Variants in SCNN1B observed in about 807,000 individuals in gnomAD.
SCNN1B encodes the protein sodium channel epithelial 1 subunit beta, also known as epithelial sodium channel subunit beta.
A neutral mutation model predicts 65.3 loss-of-function variants in SCNN1B; 46 were observed. That is an observed-to-expected ratio of 0.70 (90% CI 0.56 to 0.90). The LOEUF is 0.90. SCNN1B is among the 40% of genes least tolerant of loss of function. SCNN1B has a pLI of 0.00. For missense variants in SCNN1B, 751 were observed against 830.5 expected (o/e 0.90, Z 1.18); for synonymous variants, 349 against 330.6 (o/e 1.06, Z -0.60).
chr16:23,312,956 T>C (rs192928789), intron 1 of SCNN1B, among the ~76,000 whole-genome samples: 1 of 152,204 alleles, frequency 6.6e-6, no homozygotes, highest in Non-Finnish European at 1.5e-5. Context: ...GAAGATACTT[T>C]CTTTCCCAAT....
intron 10 of SCNN1B, among the ~76,000 whole-genome samples, chr16:23,378,247 C>T (rs61379932): frequency 0.2 from 29,949 of 152,124 alleles, 3,456 homozygotes; most frequent in Admixed American, 0.31. Context: ...TGGCCTTAAG[C>T]GATCCTCCCA....
chr16:23,290,576 G>T (rs1454307487), intron 2 of SCNN1B, among the ~76,000 whole-genome samples: 1 of 152,120 alleles, frequency 6.6e-6, no homozygotes, highest in Non-Finnish European at 1.5e-5. Flanking sequence ...CCAAGTGCCG[G>T]GATTACAGGC....
At chr16:23,310,748 A>G (rs1265850835) in intron 1 of SCNN1B, among the ~76,000 whole-genome samples, 4 of 152,276 alleles carry the variant, frequency 2.6e-5, no homozygotes, top group Non-Finnish European at 2.9e-5. Context: ...AGCAAAGGCT[A>G]TAATTTGGTT....
intron 10 of SCNN1B, among the ~76,000 whole-genome samples, chr16:23,377,628 T>TCCTTCTCCCTTCCTTCCTCCCTC (rs1962936811): frequency 1.0e-5 from 1 of 99,470 alleles, no homozygotes; most frequent in East Asian, 4.4e-4. Flanking sequence ...CTTCCTTCAT[T>TCCTTCTCCCTTCCTTCCTCCCTC]CCTTCTCCCT....
intron 1 of SCNN1B, among the ~76,000 whole-genome samples, chr16:23,342,888 G>C (rs1460006453): frequency 6.6e-6 from 1 of 152,054 alleles, no homozygotes. Context: ...ACTTCTAATG[G>C]GCATGGAGTT....
At chr16:23,374,268 G>GAAAATAAA (rs1962843896) in intron 7 of SCNN1B, among the ~76,000 whole-genome samples, 1 of 60,442 alleles carries the variant, frequency 1.7e-5, no homozygotes, top group Non-Finnish European at 3.2e-5. Flanking sequence ...CCTGTCTCAG[G>GAAAATAAA]AAAAAAAAAA....
At chr16:23,293,132 A>AAAG (rs1302265289) in intron 2 of SCNN1B, among the ~76,000 whole-genome samples, 7 of 150,162 alleles carry the variant, frequency 4.7e-5, no homozygotes, top group African/African-American at 1.7e-4. Flanking sequence ...AAAAAAAAAA[A>AAAG]AAAAAAAAAA....
intron 8 of SCNN1B, 114 bp downstream of exon 8, chr16:23,375,969 G>A: frequency 1.3e-6 from 1 of 768,182 alleles, no homozygotes; most frequent in South Asian, 1.5e-5. Context: ...ATGTGCCCAG[G>A]GTGGCTCCTC....
chr16:23,379,743 G>C (rs1406061084), intron 11 of SCNN1B, among the ~76,000 whole-genome samples: 1 of 152,250 alleles, frequency 6.6e-6, no homozygotes, highest in Admixed American at 6.5e-5. Context: ...TCCCAGGCCA[G>C]AGTGTCCTGT....
At chr16:23,335,494 C>T (rs1005681213) in intron 1 of SCNN1B, among the ~76,000 whole-genome samples, 10 of 146,686 alleles carry the variant, frequency 6.8e-5, no homozygotes, top group Non-Finnish European at 1.5e-4. Flanking sequence ...TTCTCTCTGT[C>T]GCCCAGGCCG....
intron 1 of SCNN1B, among the ~76,000 whole-genome samples, chr16:23,337,986 C>T (rs527340033): frequency 1.5e-3 from 229 of 152,192 alleles, no homozygotes; most frequent in Middle Eastern, 3.4e-3. Context: ...GTGGGAGGAT[C>T]GCTGGAGTCC....
At chr16:23,287,007 G>GTT (rs5816209) in intron 2 of SCNN1B, among the ~76,000 whole-genome samples, 5 of 138,704 alleles carry the variant, frequency 3.6e-5, no homozygotes, top group Non-Finnish European at 4.7e-5. Context: ...TTGCTGGGTT[G>GTT]TTTTTTTTTT....
intron 2 of SCNN1B, among the ~76,000 whole-genome samples, chr16:23,284,539 A>G (rs1040501679): frequency 2.0e-5 from 3 of 152,234 alleles, no homozygotes; most frequent in African/African-American, 7.2e-5. Flanking sequence ...AGTGTTTGGC[A>G]CAACGAAGGC....
chr16:23,376,087 G>A (rs907607385), intron 8 of SCNN1B, among the ~76,000 whole-genome samples: 1 of 152,202 alleles, frequency 6.6e-6, no homozygotes, highest in African/African-American at 2.4e-5. Flanking sequence ...AAACACATAG[G>A]CATAGAATGC....
intron 1 of SCNN1B, chr16:23,304,095 T>A (rs890092528): frequency 2.1e-5 from 33 of 1,535,402 alleles, no homozygotes; most frequent in Non-Finnish European, 2.7e-5. Flanking sequence ...GTGACAAAAA[T>A]TTTCAGGTTG....
intron 1 of SCNN1B, among the ~76,000 whole-genome samples, chr16:23,329,792 C>G (rs1016369951): frequency 2.0e-5 from 3 of 152,302 alleles, no homozygotes; most frequent in Non-Finnish European, 4.4e-5. Context: ...ACATTCTAAC[C>G]AGGCGATAGA....
rs746821073 is a variant in SCNN1B at position 23,355,370 on chromosome 16, C to T, written c.657C>T (p.Tyr219=). The T allele has an allele frequency of 3.7e-5, 60 of 1,614,074 alleles. 1 individual carries two copies. Among genetic ancestry groups the T allele is most frequent in the African/African-American group, 2.7e-5 (2 of 74,924 alleles). Residue 219 remains tyrosine, a synonymous_variant, in exon 4 of 13, where the codon TAC becomes TAT. Coordinates refer to ENST00000343070, the MANE Select transcript of SCNN1B (RefSeq NM_000336.3). ...CTACCCAGGCATTGACAGAGTGGTACATCCTGCAGGCCACCAACATCTTTG... is the reference window on the plus strand; with the variant it reads ...CTACCCAGGCATTGACAGAGTGGTATATCCTGCAGGCCACCAACATCTTTG... ...TSATQALTEW[Y]ILQATNIFAQ...
intron 7 of SCNN1B, among the ~76,000 whole-genome samples, chr16:23,372,653 C>T (rs953718144): frequency 2.0e-5 from 3 of 151,670 alleles, no homozygotes; most frequent in African/African-American, 7.3e-5. Context: ...ACCGCTACAC[C>T]GGCTAATTTT....
In SCNN1B at chr16:23,378,720, C is replaced by T. The variant is rs193211556; in HGVS notation, c.1419C>T (p.His473=). 2.8e-5 allele frequency: 46 copies of T among 1,614,134 alleles called. No homozygotes were observed. The highest frequency in any genetic ancestry group is 2.0e-4 in the East Asian group (9 of 44,876). ...TTGGGTTCCAGGACTGGATTTTCCA[C>T]GTCTTGTCTCAGGAGCGGGACCAAA... ...PSEASEDWIF[H]VLSQERDQST... Residue 473 remains histidine, a synonymous_variant, in exon 11 of 13, where the codon CAC becomes CAT. Coordinates refer to ENST00000343070, the MANE Select transcript of SCNN1B (RefSeq NM_000336.3).
Sources: allele counts gnomAD v4.1 joint callset (sites outside exome capture counted in the v4.1 genomes callset), GRCh38; gene constraint gnomAD v4.1.1; transcripts MANE v1.5; gene names NCBI Gene and HGNC (gene_info 2026-07-23, HGNC 2026-07-21).